The following FRK variants were observed in gnomAD, a reference collection of about 807,000 sequenced individuals.
FRK encodes the protein tyrosine-protein kinase FRK.
A neutral mutation model predicts 56.4 loss-of-function variants in FRK; 51 were observed. The ratio of observed to expected loss-of-function variants is 0.90; its 90% confidence interval spans 0.72 to 1.14. FRK has a LOEUF of 1.14. FRK is among the 50% of genes most tolerant of loss of function. FRK has a pLI of 0.00. For synonymous variants in FRK, 245 were observed against 217.9 expected, an observed-to-expected ratio of 1.12 and a Z score of -1.10; for missense variants, 570 against 601.4, an observed-to-expected ratio of 0.95 and a Z score of 0.55.
intron 2 of FRK, among the ~76,000 whole-genome samples, chr6:115,986,560 T>G (rs569037130): frequency 2.7e-4 from 41 of 152,302 alleles, no homozygotes; most frequent in African/African-American, 9.9e-4. Flanking sequence ...TTAGCACGGA[T>G]GAGTAACACT....
At position 115,936,943 on chromosome 6, in the gene FRK, A is replaced by G. The variant is rs996457404; in HGVS notation, c.*5471T>C. ...GAGAACATCCCCAACCTAGCAAGAC[A>G]GGTCAACATTCAAATTAAGGAAATA... On this transcript the variant is annotated 3_prime_UTR_variant, in exon 8 of 8. Transcript: ENST00000606080. The G allele has an allele frequency of 6.6e-6, 1 of 152,220 alleles. No homozygotes were observed. The highest frequency in any genetic ancestry group is 2.4e-5 in the African/African-American group (1 of 41,456). The allele number at this position is 152,220 out of a possible 1,614,324, so 9.4% of individuals were successfully genotyped here.
chr6:115,960,524 G>C (rs1274983953), intron 4 of FRK, among the ~76,000 whole-genome samples: 3 of 146,198 alleles, frequency 2.1e-5, no homozygotes, highest in South Asian at 2.2e-4. Flanking sequence ...CCGGAAGCTC[G>C]AACTGGGTGG....
chr6:115,952,982 T>C (rs1772828731), intron 5 of FRK, among the ~76,000 whole-genome samples: 1 of 149,256 alleles, frequency 6.7e-6, no homozygotes, highest in Non-Finnish European at 1.5e-5. Flanking sequence ...AAATGACGAG[T>C]TAATGGATGC....
At chr6:115,978,677 G>A (rs1479348431) in intron 2 of FRK, among the ~76,000 whole-genome samples, 1 of 152,132 alleles carries the variant, frequency 6.6e-6, no homozygotes, top group Non-Finnish European at 1.5e-5. Flanking sequence ...GATTATAGTG[G>A]AGCTGAAAAA....
the FRK span, among the ~76,000 whole-genome samples, chr6:116,083,179 C>T: frequency 6.6e-6 from 1 of 152,132 alleles, no homozygotes; most frequent in African/African-American, 2.4e-5. Context: ...TGAGGATTGA[C>T]CATTGGGTTT....
chr6:115,979,717 A>T (rs1287476972), intron 2 of FRK, among the ~76,000 whole-genome samples: 5 of 152,146 alleles, frequency 3.3e-5, no homozygotes, highest in Non-Finnish European at 7.4e-5. Flanking sequence ...TAATATTTTA[A>T]ACCATGTTGT....
At chr6:116,074,292 A>G in the FRK span, among the ~76,000 whole-genome samples, 23 of 152,284 alleles carry the variant, frequency 1.5e-4, no homozygotes, top group African/African-American at 5.5e-4. Flanking sequence ...TGAGATTTGT[A>G]CATGGCATAC....
intron 1 of FRK, among the ~76,000 whole-genome samples, chr6:116,058,054 A>T (rs1182944397): frequency 6.6e-6 from 1 of 152,190 alleles, no homozygotes; most frequent in East Asian, 1.9e-4. Flanking sequence ...CAGATGAGGA[A>T]ATTGAGGTCC....
intron 1 of FRK, among the ~76,000 whole-genome samples, chr6:116,037,995 G>A (rs922791640): frequency 5.9e-5 from 9 of 152,182 alleles, no homozygotes; most frequent in African/African-American, 2.2e-4. Flanking sequence ...AAAGCACAGG[G>A]AGCTTGTGTC....
intron 1 of FRK, among the ~76,000 whole-genome samples, chr6:116,055,137 C>T (rs1328372574): frequency 6.6e-6 from 1 of 151,996 alleles, no homozygotes; most frequent in East Asian, 1.9e-4. Context: ...AAGAATATAC[C>T]ACTTTGTTTC....
chr6:116,046,175 C>T (rs1191017881), intron 1 of FRK, among the ~76,000 whole-genome samples: 5 of 152,068 alleles, frequency 3.3e-5, no homozygotes, highest in Admixed American at 2.0e-4. Context: ...TGCTTTACAC[C>T]GTTGGTGGGA....
chr6:115,967,286 A>G (rs1299107681), intron 4 of FRK, among the ~76,000 whole-genome samples: 1 of 152,194 alleles, frequency 6.6e-6, no homozygotes, highest in Non-Finnish European at 1.5e-5. Flanking sequence ...GGACATTGGA[A>G]GACTGAATCC....
At position 115,932,992 on chromosome 6, in the gene FRK, T is replaced by G. The variant is rs1771983360; in HGVS notation, c.*9422A>C. 6.6e-6 allele frequency: 1 copy of G among 152,240 alleles called. No homozygotes were observed. The highest frequency in any genetic ancestry group is 2.4e-5 in the African/African-American group (1 of 41,462). 9.4% of individuals were successfully genotyped at this position (152,240 alleles called of 1,614,324 possible). On this transcript the variant is annotated 3_prime_UTR_variant, in exon 8 of 8. Coordinates refer to ENST00000606080, the MANE Select transcript of FRK (RefSeq NM_002031.3). Reference sequence around the variant, plus strand: ...AGCCAGTTTGCAGATTCCTGGTCACTCTGACTTTAACTTTGTTTTTGATGA... The same window carrying G: ...AGCCAGTTTGCAGATTCCTGGTCACGCTGACTTTAACTTTGTTTTTGATGA...
Position 116,060,503 on chromosome 6 carries a change from G to A in FRK, c.-192C>T, listed in dbSNP as rs1777589341. On this transcript the variant is annotated 5_prime_UTR_variant, in exon 1 of 8. Coordinates refer to ENST00000606080, the MANE Select transcript of FRK (RefSeq NM_002031.3). Reference sequence around the variant, plus strand: ...CAAGTCCTACCTGGAGAGACTTACCGGCTTGCTTTCTGTGGCTGGAGGTGC... The same window carrying A: ...CAAGTCCTACCTGGAGAGACTTACCAGCTTGCTTTCTGTGGCTGGAGGTGC... The A allele has an allele frequency of 5.4e-6, 3 of 560,496 alleles. No homozygotes were observed. Among genetic ancestry groups the A allele is most frequent in the South Asian group, 5.0e-5 (2 of 39,752 alleles). 34.7% of individuals were successfully genotyped at this position (560,496 alleles called of 1,614,324 possible). A position where few individuals can be genotyped will look rare whatever the true frequency, so the allele number is the denominator to read the frequency against.
At chr6:116,041,530 G>A (rs1304202358) in intron 1 of FRK, among the ~76,000 whole-genome samples, 2 of 152,158 alleles carry the variant, frequency 1.3e-5, no homozygotes, top group Non-Finnish European at 2.9e-5. Context: ...GGTGATTTCT[G>A]CATTTCCAAC....
the FRK span, among the ~76,000 whole-genome samples, chr6:116,091,690 G>A: frequency 6.6e-6 from 1 of 152,200 alleles, no homozygotes; most frequent in Non-Finnish European, 1.5e-5. Context: ...CTGTTGGCCA[G>A]TTAAAAGAGA....
the FRK span, among the ~76,000 whole-genome samples, chr6:116,078,794 A>G: frequency 2.7e-3 from 416 of 152,256 alleles, 2 homozygotes; most frequent in African/African-American, 9.0e-3. Flanking sequence ...ACAGAATTCA[A>G]CTTCCTTTCA....
At chr6:115,995,657 A>T (rs1285516927) in intron 2 of FRK, among the ~76,000 whole-genome samples, 1 of 152,190 alleles carries the variant, frequency 6.6e-6, no homozygotes, top group African/African-American at 2.4e-5. Flanking sequence ...AATGTTAGTT[A>T]TGAATTTTCA....
At chr6:115,960,402 G>T (rs1389477179) in intron 4 of FRK, among the ~76,000 whole-genome samples, 1 of 150,666 alleles carries the variant, frequency 6.6e-6, no homozygotes, top group Admixed American at 6.6e-5. Context: ...CTACGCCCAC[G>T]GAATCTCGCT....
Sources: gnomAD v4.1 joint callset for allele counts (sites outside exome capture counted in the v4.1 genomes callset) on GRCh38, gnomAD v4.1.1 for gene constraint, MANE v1.5 for transcripts, NCBI Gene and HGNC (gene_info 2026-07-23, HGNC 2026-07-21) for gene names.